Variants in ZBTB7C observed in about 807,000 individuals in gnomAD.
The protein encoded by ZBTB7C is zinc finger and BTB domain containing 7C.
Under a neutral mutation model 25.7 loss-of-function variants are expected in ZBTB7C, and 8 were observed. The observed-to-expected ratio is 0.31, with a 90% confidence interval of 0.18 to 0.56. The LOEUF is 0.56. Among genes scored for constraint, ZBTB7C ranks in the 20% least tolerant of loss-of-function variants. The pLI is 0.91. For synonymous variants in ZBTB7C, 394 were observed against 369.0 expected (o/e 1.07, Z -0.78); for missense variants, 824 against 855.2 (o/e 0.96, Z 0.46).
intron 3 of ZBTB7C, among the ~76,000 whole-genome samples, chr18:48,050,462 CA>C (rs1055363787): frequency 3.9e-5 from 6 of 152,228 alleles, no homozygotes; most frequent in African/African-American, 1.4e-4. Flanking sequence ...GCCACCCTGC[CA>C]GGACACGCCT....
At chr18:48,066,138 TC>T in intron 3 of ZBTB7C, among the ~76,000 whole-genome samples, 2 of 152,298 alleles carry the variant, frequency 1.3e-5, no homozygotes, top group Non-Finnish European at 2.9e-5. Context: ...GCTGTTCATC[TC>T]CTGAGGCCCC....
intron 3 of ZBTB7C, among the ~76,000 whole-genome samples, chr18:48,050,538 C>G (rs1234130739): frequency 6.6e-6 from 1 of 152,234 alleles, no homozygotes; most frequent in Non-Finnish European, 1.5e-5. Flanking sequence ...GCGATTTGCT[C>G]TGAGCTTTCT....
chr18:48,215,727 T>C (rs899417985), intron 2 of ZBTB7C, among the ~76,000 whole-genome samples: 4 of 152,212 alleles, frequency 2.6e-5, no homozygotes, highest in African/African-American at 9.7e-5. Flanking sequence ...TGCTGGTCTC[T>C]CAGCTACTCT....
intron 2 of ZBTB7C, among the ~76,000 whole-genome samples, chr18:48,245,092 G>GTGTATATATATATATATATATA (rs1555723392): frequency 1.2e-4 from 15 of 126,284 alleles, no homozygotes; most frequent in African/African-American, 3.8e-4. Context: ...GTGTGTGTGT[G>GTGTATATATATATATATATATA]TATATATATA....
intron 2 of ZBTB7C, among the ~76,000 whole-genome samples, chr18:48,302,237 G>T (rs1045462169): frequency 6.6e-6 from 1 of 152,188 alleles, no homozygotes; most frequent in African/African-American, 2.4e-5. Context: ...CCAGTGAGGA[G>T]AGTGGACGCC....
chr18:48,282,323 AGG>A (rs1335370465), intron 2 of ZBTB7C, among the ~76,000 whole-genome samples: 1 of 71,244 alleles, frequency 1.4e-5, no homozygotes, highest in African/African-American at 6.1e-5. Context: ...GGGTGGGGGG[AGG>A]GGGGAGGGAT....
intron 2 of ZBTB7C, among the ~76,000 whole-genome samples, chr18:48,332,673 CTTTTTTTT>C (rs58216606): frequency 2.3e-5 from 2 of 85,716 alleles, no homozygotes; most frequent in African/African-American, 4.7e-5. Context: ...CTCTCCTTTG[CTTTTTTTT>C]TTTTTTTTTT....
intron 2 of ZBTB7C, among the ~76,000 whole-genome samples, chr18:48,200,066 A>G (rs1001783361): frequency 2.6e-5 from 4 of 151,490 alleles, no homozygotes; most frequent in Admixed American, 6.6e-5. Context: ...TTGCAAAGGA[A>G]CCCTTAGCCA....
intron 3 of ZBTB7C, among the ~76,000 whole-genome samples, chr18:48,074,270 T>C (rs997636846): frequency 2.6e-5 from 4 of 152,172 alleles, no homozygotes; most frequent in African/African-American, 7.2e-5. Flanking sequence ...TGCCTCGGCC[T>C]CCCAAAGTGC....
chr18:48,192,414 T>C (rs1401215666), intron 2 of ZBTB7C, among the ~76,000 whole-genome samples: 2 of 152,218 alleles, frequency 1.3e-5, no homozygotes, highest in Admixed American at 1.3e-4. Context: ...TCAAAACCCA[T>C]AAAATGGTAC....
chr18:48,116,101 G>A (rs538448452), intron 3 of ZBTB7C, among the ~76,000 whole-genome samples: 35 of 152,076 alleles, frequency 2.3e-4, no homozygotes, highest in African/African-American at 7.7e-4. Context: ...ATAAGAAAAA[G>A]AAAGTTAATC....
chr18:48,055,410 CA>C (rs57782791), intron 3 of ZBTB7C, among the ~76,000 whole-genome samples: 17,389 of 72,914 alleles, frequency 0.24, 726 homozygotes, highest in Middle Eastern at 0.32. Context: ...ACTCAAGTCT[CA>C]AAAAAAAAAA....
chr18:48,082,673 T>C (rs2038035466), intron 3 of ZBTB7C, among the ~76,000 whole-genome samples: 1 of 152,038 alleles, frequency 6.6e-6, no homozygotes, highest in African/African-American at 2.4e-5. Context: ...CAGCAGACTC[T>C]GAGTACCTCC....
intron 2 of ZBTB7C, among the ~76,000 whole-genome samples, chr18:48,221,635 TCTC>T (rs1331795413): frequency 6.6e-6 from 1 of 150,638 alleles, no homozygotes; most frequent in Non-Finnish European, 1.5e-5. Flanking sequence ...ACTGTCCTAG[TCTC>T]CTCTATACTG....
intron 1 of ZBTB7C, among the ~76,000 whole-genome samples, chr18:48,392,734 T>C (rs2047930691): frequency 1.3e-5 from 2 of 152,160 alleles, no homozygotes; most frequent in Admixed American, 6.5e-5. Context: ...CAAAAATTGC[T>C]CTGGAGCCGA....
intron 3 of ZBTB7C, among the ~76,000 whole-genome samples, chr18:48,124,085 T>C (rs937143047): frequency 1.3e-5 from 2 of 152,220 alleles, no homozygotes; most frequent in South Asian, 2.1e-4. Flanking sequence ...CTGGGGATCA[T>C]AGGCTGGGTA....
chr18:48,340,367 G>A (rs190791370), intron 1 of ZBTB7C, among the ~76,000 whole-genome samples: 150 of 152,290 alleles, frequency 9.8e-4, no homozygotes, highest in African/African-American at 3.0e-3. Context: ...GCAGCCCTAA[G>A]TGCCCACCTC....
At chr18:48,088,707 G>A (rs1465322931) in intron 3 of ZBTB7C, among the ~76,000 whole-genome samples, 1 of 152,066 alleles carries the variant, frequency 6.6e-6, no homozygotes, top group Non-Finnish European at 1.5e-5. Context: ...GTGCATACCT[G>A]TAATCCCAGC....
intron 2 of ZBTB7C, among the ~76,000 whole-genome samples, chr18:48,196,403 A>T (rs1036181713): frequency 3.3e-5 from 5 of 151,824 alleles, no homozygotes; most frequent in Non-Finnish European, 5.9e-5. Flanking sequence ...CAAATGCACC[A>T]CTCTCCCAGA....
Sources: gnomAD v4.1 joint callset for allele counts (sites outside exome capture counted in the v4.1 genomes callset) on GRCh38, gnomAD v4.1.1 for gene constraint, MANE v1.5 for transcripts, NCBI Gene and HGNC (gene_info 2026-07-23, HGNC 2026-07-21) for gene names.